The following MS4A2 variants were observed in gnomAD, a reference collection of about 807,000 sequenced individuals.
MS4A2 encodes the protein membrane spanning 4-domains A2, also known as high affinity immunoglobulin epsilon receptor subunit beta.
MS4A2 carries 26 observed loss-of-function variants against 27.9 expected under a neutral mutation model. The ratio of observed to expected loss-of-function variants is 0.93; its 90% CI spans 0.68 to 1.29. MS4A2 has a LOEUF of 1.29. Among genes scored for constraint, MS4A2 ranks in the 50% most tolerant of loss-of-function variants. MS4A2 has a pLI of 0.00. For missense variants in MS4A2, 284 were observed against 284.6 expected (o/e 1.00, Z 0.01); for synonymous variants, 110 against 98.8 (o/e 1.11, Z -0.67).
Position 60,096,000 on chromosome 11 carries a change from G to T in MS4A2, c.*344G>T. 4.3e-5 allele frequency: 11 copies of T among 256,474 alleles called. No homozygotes were observed. Among genetic ancestry groups the T allele is most frequent in the East Asian group, 1.1e-4 (1 of 9,394 alleles). The allele number at this position is 256,474 out of a possible 1,614,324, so 15.9% of individuals were successfully genotyped here. A position where few individuals can be genotyped will look rare whatever the true frequency, so the allele number is the denominator to read the frequency against. On this transcript the variant is annotated 3_prime_UTR_variant, in exon 7 of 7. Coordinates refer to ENST00000278888, the MANE Select transcript of MS4A2 (RefSeq NM_000139.5). The stretch of plus-strand genomic sequence containing the variant: ...CTGAAAGTTGAGTTAAACTTTGACA[G>T]TTTGATAATATTTGGTTCTTAGGGT...
In MS4A2 at chr11:60,094,040, G is replaced by A. The variant is rs1386672344; in HGVS notation, c.614G>A (p.Gly205Glu). 2 of 1,613,528 alleles carry A rather than the reference G, an allele frequency of 1.2e-6. No homozygotes were observed. Among genetic ancestry groups the A allele is most frequent in the African/African-American group, 1.3e-5 (1 of 74,866 alleles). Residue 205 changes from glycine to glutamate, a missense_variant, in exon 6 of 7, where the codon GGG becomes GAG. Coordinates refer to ENST00000278888, the MANE Select transcript of MS4A2 (RefSeq NM_000139.5). ...GTGTCACTCACAATCTGTGGAGCTG[G>A]GGAAGAACTCAAAGGAAACAAGGTA... ...SAVSLTICGA[G>E]EELKGNKVPE...
intron 4 of MS4A2, 107 bp from the exon 5 acceptor site, chr11:60,093,293 A>T: frequency 7.0e-7 from 1 of 1,434,146 alleles, no homozygotes; most frequent in Non-Finnish European, 9.6e-7. Context: ...CAAAATTTGG[A>T]AGCAATGTGG....
chr11:60,093,749 G>T, intron 5 of MS4A2, 191 bp downstream of exon 5: 1 of 890,552 alleles, frequency 1.1e-6, no homozygotes, highest in Non-Finnish European at 1.8e-6. Flanking sequence ...AATTCCTCGG[G>T]GTTAAAGTTA....
In MS4A2 at chr11:60,092,839, A is replaced by G; in HGVS notation, c.369A>G (p.Ala123=). The change falls in exon 4 of 7, where the codon GCA becomes GCG. Residue 123 remains alanine (A), a synonymous_variant. Coordinates refer to ENST00000278888, the MANE Select transcript of MS4A2 (RefSeq NM_000139.5). ...CAATTATATCTGAAAGGAGAAATGC[A>G]ACATATCTGGTGAGTTGCCCGTTTC... The part of the protein sequence containing the change: ...MLSIISERRN[A]TYLVRGSLGA... The G allele has an allele frequency of 6.2e-7, 1 of 1,613,954 alleles. No individual in the cohort carries two copies. Among genetic ancestry groups the G allele is most frequent in the Non-Finnish European group, 8.5e-7 (1 of 1,179,896 alleles).
In MS4A2 at chr11:60,092,643, G is replaced by A. The variant is rs1855785973; in HGVS notation, c.322-149G>A. On this transcript the variant is annotated intron_variant, in intron 3 of 6. Transcript: ENST00000278888. Reference sequence around the variant, plus strand: ...CTGAGAAGCACTCTATAGAAAATAAGAATAAGAAAATATTGGGCTCACAGG... The same window carrying A: ...CTGAGAAGCACTCTATAGAAAATAAAAATAAGAAAATATTGGGCTCACAGG... 4.4e-5 allele frequency: 31 copies of A among 703,830 alleles called. 1 individual carries two copies. The South Asian group carries it at 5.4e-4, about 12-fold the overall frequency. 43.6% of individuals were successfully genotyped at this position (703,830 alleles called of 1,614,324 possible).
rs1352387796 is a variant in MS4A2, at chr11:60,095,876, A to G, written c.*220A>G. ...TAGACTCCTATTTTTCTTGTTTTATATTATGACCACACACATCTCTGCTGG... is the reference window on the plus strand; with the variant it reads ...TAGACTCCTATTTTTCTTGTTTTATGTTATGACCACACACATCTCTGCTGG... On this transcript the variant is annotated 3_prime_UTR_variant, in exon 7 of 7. Transcript: ENST00000278888. The G allele has an allele frequency of 5.3e-5, 29 of 552,294 alleles. No individual in the cohort carries two copies. The East Asian group carries it at 9.4e-4, about 18-fold the overall frequency. 34.2% of individuals were successfully genotyped at this position (552,294 alleles called of 1,614,324 possible).
At chr11:60,092,900 G>C (rs1414973517) in intron 4 of MS4A2, 52 bp downstream of exon 4, 3 of 1,522,056 alleles carry the variant, frequency 2.0e-6, no homozygotes, top group East Asian at 2.3e-5. Flanking sequence ...AAGAAGAACA[G>C]AGTTTTAAGA....
At position 60,097,725 on chromosome 11, in the gene MS4A2, G is replaced by A. The variant is rs1016951902; in HGVS notation, c.*2069G>A. 1.3e-5 allele frequency: 2 copies of A among 152,150 alleles called. No homozygotes were observed. Among genetic ancestry groups the A allele is most frequent in the Non-Finnish European group, 2.9e-5 (2 of 68,028 alleles). The allele number at this position is 152,150 out of a possible 1,614,324, so 9.4% of individuals were successfully genotyped here. On this transcript the variant is annotated 3_prime_UTR_variant, in exon 7 of 7. Transcript: ENST00000278888. ...GTATTGAGGATGCCAAGATTAAAAGGTGACAGGTAGATGTTAATTTCCCTA... is the reference window on the plus strand; with the variant it reads ...GTATTGAGGATGCCAAGATTAAAAGATGACAGGTAGATGTTAATTTCCCTA...
In MS4A2 at chr11:60,090,245, A is replaced by G. The variant is rs1304228227; in HGVS notation, c.187-91A>G. ...TCAGGACAGTCTAGGACACTAACGCAGTTTCTCATGTTTGGCTTCTATTAT... is the reference window on the plus strand; with the variant it reads ...TCAGGACAGTCTAGGACACTAACGCGGTTTCTCATGTTTGGCTTCTATTAT... On this transcript the variant is annotated intron_variant, in intron 2 of 6. Transcript: ENST00000278888. 5 of 1,281,148 alleles carry G rather than the reference A, an allele frequency of 3.9e-6. No homozygotes were observed. In the African/African-American group the frequency reaches 7.3e-5, roughly 19 times the overall value. 79.4% of individuals were successfully genotyped at this position (1,281,148 alleles called of 1,614,324 possible).
chr11:60,090,516 G>A (rs1443254618), intron 3 of MS4A2, 46 bp downstream of exon 3: 2 of 1,587,822 alleles, frequency 1.3e-6, no homozygotes, highest in African/African-American at 1.3e-5. Flanking sequence ...CTGAACATAG[G>A]TTTTTCTCTT....
In MS4A2 at chr11:60,088,725, A is replaced by G. The variant is rs1208659795; in HGVS notation, c.-41A>G. ...GAGGAAATCCACCAAGTCTCAATAT[A>G]ATAATATTCTTTATTCCTGGACAGC... is the stretch of plus-strand genomic sequence containing the variant. On this transcript the variant is annotated 5_prime_UTR_variant, in exon 1 of 7. It adds an upstream start codon to the 5' untranslated region. Transcript: ENST00000278888. 2 of 1,594,058 alleles carry G rather than the reference A, an allele frequency of 1.3e-6. No homozygotes were observed. Among genetic ancestry groups the G allele is most frequent in the Middle Eastern group, 1.7e-4 (1 of 6,040 alleles).
Position 60,090,359 on chromosome 11 carries a change from G to A in MS4A2, c.210G>A (p.Met70Ile). 1 of 1,613,170 alleles carries A rather than the reference G, an allele frequency of 6.2e-7. No homozygotes were observed. Among genetic ancestry groups the A allele is most frequent in the Non-Finnish European group, 8.5e-7 (1 of 1,179,864 alleles). Residue 70 changes from methionine to isoleucine, a missense_variant, in exon 3 of 7, where the codon ATG (methionine) becomes ATA (isoleucine). Physicochemically the swap from Met to Ile is conservative, Grantham distance 10. Transcript: ENST00000278888. Reference sequence around the variant, plus strand: ...AGGTAACACAAATTCTGACTGCTATGATATGCCTTTGTTTTGGAACAGTTG... The same window carrying A: ...AGGTAACACAAATTCTGACTGCTATAATATGCCTTTGTTTTGGAACAGTTG... ...FLGVTQILTAMICLCFGTVVC... is the reference protein window; with the variant it reads ...FLGVTQILTAIICLCFGTVVC...
chr11:60,090,226 C>G, intron 2 of MS4A2, 110 bp from the exon 3 acceptor site: 1 of 1,091,006 alleles, frequency 9.2e-7, no homozygotes, highest in Non-Finnish European at 1.4e-6. Context: ...TTTCTCAGGA[C>G]AGTCTAGGAC....
At chr11:60,089,522 G>A (rs1296691719) in intron 1 of MS4A2, among the ~76,000 whole-genome samples, 170 bp from the exon 2 acceptor site, 1 of 151,972 alleles carries the variant, frequency 6.6e-6, no homozygotes, top group African/African-American at 2.4e-5. Context: ...AGGTGTTCTT[G>A]GTCAGTTACT....
chr11:60,089,208 C>T (rs2847662), intron 1 of MS4A2, among the ~76,000 whole-genome samples: 11,124 of 152,114 alleles, frequency 0.073, 840 homozygotes, highest in African/African-American at 0.18. Flanking sequence ...CTTTATAATC[C>T]ATAAGCTGTG....
chr11:60,094,491 T>A (rs1288273389), intron 6 of MS4A2, among the ~76,000 whole-genome samples: 3 of 152,134 alleles, frequency 2.0e-5, no homozygotes, highest in Non-Finnish European at 4.4e-5. Flanking sequence ...CCTTTCTGAT[T>A]CATGACTACC....
intron 3 of MS4A2, among the ~76,000 whole-genome samples, chr11:60,090,913 A>C (rs558077789): frequency 6.6e-6 from 1 of 152,330 alleles, no homozygotes; most frequent in African/African-American, 2.4e-5. Context: ...GCACTTTGGG[A>C]GGCTGAGGCA....
In MS4A2 at chr11:60,090,479, A is replaced by T. The variant is rs764228636; in HGVS notation, c.321+9A>T. 2 of 1,611,740 alleles carry T rather than the reference A, an allele frequency of 1.2e-6. No homozygotes were observed. The highest frequency in any genetic ancestry group is 2.2e-5 in the South Asian group (2 of 91,036). ...TCTGGGGAGCCATATTTGTGAGTAT[A>T]TATCTATAATTGTTTCTGAAATAAC... On this transcript the variant is annotated intron_variant, in intron 3 of 6. Coordinates refer to ENST00000278888, the MANE Select transcript of MS4A2 (RefSeq NM_000139.5).
intron 6 of MS4A2, among the ~76,000 whole-genome samples, 162 bp from the exon 7 acceptor site, chr11:60,095,396 A>C (rs1160830561): frequency 6.6e-6 from 1 of 152,230 alleles, no homozygotes; most frequent in Non-Finnish European, 1.5e-5. Context: ...TTGGCCAGCT[A>C]GTCTGGTTTG....
Sources: gnomAD v4.1 joint callset for allele counts (sites outside exome capture counted in the v4.1 genomes callset) on GRCh38, gnomAD v4.1.1 for gene constraint, MANE v1.5 for transcripts, NCBI Gene and HGNC (gene_info 2026-07-23, HGNC 2026-07-21) for gene names.